The following HIVEP3 variants were observed in gnomAD, a reference collection of about 807,000 sequenced individuals.
HIVEP3 encodes the protein transcription factor HIVEP3.
HIVEP3 carries 49 observed loss-of-function variants against 152.8 expected under a neutral mutation model. The observed-to-expected ratio is 0.32, with a 90% confidence interval of 0.26 to 0.41. The LOEUF (loss-of-function observed/expected upper bound fraction) is 0.41. Ranked by LOEUF, HIVEP3 falls within the 10% of genes least tolerant of loss-of-function variation. HIVEP3 has a pLI of 1.00. For missense variants in HIVEP3, 2,790 were observed against 3,103.3 expected (o/e 0.90, Z 2.40); for synonymous variants, 1,269 against 1,289.0 (o/e 0.98, Z 0.33).
At chr1:41,516,045 C>T (rs974787465) in intron 7 of HIVEP3, among the ~76,000 whole-genome samples, 9 of 152,216 alleles carry the variant, frequency 5.9e-5, no homozygotes, top group African/African-American at 1.9e-4. Context: ...GAAGTTGAGA[C>T]CCAGTGGGGG....
In HIVEP3 at chr1:41,641,663, G is replaced by A. The variant is rs762214174; in HGVS notation, c.-720-12716C>T. 7.9e-5 allele frequency among the ~76,000 whole-genome samples: 12 copies of A among 152,294 alleles called. No homozygotes were observed. The East Asian group carries it at 9.6e-4, about 12-fold the overall frequency. The stretch of plus-strand genomic sequence containing the variant: ...CCACCTATATGTGGGCTCTGGTTTC[G>A]AGTCGGTGAACCAGAGCAGGCCCTG... On this transcript the variant is annotated intron_variant, in intron 2 of 8. Coordinates refer to ENST00000372583, the MANE Select transcript of HIVEP3 (RefSeq NM_024503.5).
intron 3 of HIVEP3, among the ~76,000 whole-genome samples, chr1:41,602,807 AG>A (rs1416542450): frequency 6.6e-6 from 1 of 151,916 alleles, no homozygotes; most frequent in Non-Finnish European, 1.5e-5. Context: ...GTATAAAGTT[AG>A]GTTGCTTATT....
intron 1 of HIVEP3, among the ~76,000 whole-genome samples, chr1:41,737,009 A>T (rs1001869244): frequency 6.6e-6 from 1 of 151,752 alleles, no homozygotes; most frequent in Non-Finnish European, 1.5e-5. Flanking sequence ...CTCCTGCCCC[A>T]CCTCCAGGCA....
chr1:42,009,290 C>T (rs949035672), intron 1 of HIVEP3, among the ~76,000 whole-genome samples: 1 of 152,074 alleles, frequency 6.6e-6, no homozygotes, highest in Non-Finnish European at 1.5e-5. Context: ...TGTCGTTTCC[C>T]CTGTTGCTGA....
intron 2 of HIVEP3, among the ~76,000 whole-genome samples, chr1:41,693,484 T>C (rs1215297490): frequency 6.6e-6 from 1 of 152,262 alleles, no homozygotes; most frequent in Admixed American, 6.5e-5. Context: ...TCATAGCCTC[T>C]GCCCATTTTT....
intron 1 of HIVEP3, among the ~76,000 whole-genome samples, chr1:41,743,024 T>C (rs906865984): frequency 1.3e-5 from 2 of 152,022 alleles, no homozygotes; most frequent in African/African-American, 4.8e-5. Flanking sequence ...AATGAGATCA[T>C]GTTGTTTTTC....
chr1:41,583,728 G>T lies in HIVEP3; in HGVS notation c.1070C>A (p.Thr357Asn). 2 of 1,605,616 alleles carry T rather than the reference G, an allele frequency of 1.2e-6. No homozygotes were observed. Among genetic ancestry groups the T allele is most frequent in the Non-Finnish European group, 1.7e-6 (2 of 1,175,604 alleles). ...GGCCAGCTTCTGCTTAATCGTGTGG[G>T]TGTCTTCAGGTTTATGGCTCAGGGG... ...EHPLSHKPED[T>N]HTIKQKLALR... The change falls in exon 4 of 9, where the codon ACC becomes AAC. Residue 357 changes from threonine to asparagine, a missense_variant. Transcript: ENST00000372583. This position sits in a 1 kb window ranked among gnomAD's most constrained non-coding sequence, Gnocchi z 6.9.
chr1:41,628,202 C>T (rs114330497), intron 3 of HIVEP3, among the ~76,000 whole-genome samples: 189 of 152,308 alleles, frequency 1.2e-3, no homozygotes, highest in African/African-American at 4.3e-3. Context: ...ATCATTGCCC[C>T]AACCCTGACA....
chr1:41,989,597 C>T (rs902986887), intron 1 of HIVEP3, among the ~76,000 whole-genome samples: 1 of 152,024 alleles, frequency 6.6e-6, no homozygotes, highest in Non-Finnish European at 1.5e-5. Context: ...AAAGGCAGCC[C>T]TAGCTGCCAT....
At chr1:41,750,067 G>T (rs1053166495) in intron 1 of HIVEP3, among the ~76,000 whole-genome samples, 3 of 152,184 alleles carry the variant, frequency 2.0e-5, no homozygotes, top group Admixed American at 6.5e-5. Flanking sequence ...GGAGCCTCCT[G>T]GTTAAGAGTC....
At position 41,997,349 on chromosome 1, in the gene HIVEP3, C is replaced by T. The variant is rs973609944; in HGVS notation, n.119+38458G>A. On this transcript the variant is annotated intron_variant and non_coding_transcript_variant, in intron 1 of 3. Transcript: ENST00000489103. ...GTTGTGGCTGCTCCACATTGGCTAA[C>T]GGGGGAGGAGCTTCACCCCCATTTT... is the stretch of plus-strand genomic sequence containing the variant. Among the ~76,000 whole-genome samples, 9 of 152,240 alleles carry T rather than the reference C, an allele frequency of 5.9e-5. No homozygotes were observed. In the South Asian group the frequency reaches 6.2e-4, roughly 11 times the overall value.
At chr1:41,755,741 A>T (rs1244451510) in intron 1 of HIVEP3, among the ~76,000 whole-genome samples, 1 of 152,232 alleles carries the variant, frequency 6.6e-6, no homozygotes, top group African/African-American at 2.4e-5. Flanking sequence ...GTCATTAGCC[A>T]TTAGGGAAAT....
intron 1 of HIVEP3, among the ~76,000 whole-genome samples, chr1:41,712,504 G>A (rs1333202214): frequency 2.6e-5 from 4 of 152,338 alleles, no homozygotes; most frequent in Admixed American, 1.3e-4. Flanking sequence ...AGGGTAAGGG[G>A]ACACTGGGCA....
chr1:41,964,894 G>A lies in HIVEP3; in HGVS notation n.120-46370C>T, dbSNP rs111595906. On this transcript the variant is annotated intron_variant and non_coding_transcript_variant, in intron 1 of 3. Coordinates refer to the HIVEP3 transcript ENST00000489103. ...GGATTCCCCCAAGAGCAGTGCACCC[G>A]TTCTGCCAAGGGGCAGCCAGAGTGC... Among the ~76,000 whole-genome samples, 757 of 152,364 alleles carry A rather than the reference G, an allele frequency of 5.0e-3. 8 individuals carry two copies. Among genetic ancestry groups the A allele is most frequent in the African/African-American group, 0.018 (733 of 41,580 alleles).
chr1:41,744,261 G>A (rs1037514333), intron 1 of HIVEP3, among the ~76,000 whole-genome samples: 6 of 152,116 alleles, frequency 3.9e-5, no homozygotes, highest in African/African-American at 7.2e-5. Context: ...GGATGGTCTC[G>A]ATCTCCTGAC....
chr1:41,577,190 T>C (rs926816588), intron 4 of HIVEP3, among the ~76,000 whole-genome samples: 1 of 152,232 alleles, frequency 6.6e-6, no homozygotes, highest in South Asian at 2.1e-4. Flanking sequence ...GGATCCATTT[T>C]AGCTTTTGAT....
chr1:41,938,712 A>C (rs1645031848), intron 1 of HIVEP3, among the ~76,000 whole-genome samples: 1 of 152,186 alleles, frequency 6.6e-6, no homozygotes, highest in Admixed American at 6.5e-5. Flanking sequence ...AACTCCACAC[A>C]ATGAAAATTA....
At chr1:41,977,684 C>T (rs1645267952) in intron 1 of HIVEP3, among the ~76,000 whole-genome samples, 2 of 152,222 alleles carry the variant, frequency 1.3e-5, no homozygotes, top group African/African-American at 2.4e-5. Flanking sequence ...CATACAAGGA[C>T]AGTGCTGTGA....
intron 5 of HIVEP3, among the ~76,000 whole-genome samples, chr1:41,540,725 A>G (rs1643509188): frequency 6.6e-6 from 1 of 152,224 alleles, no homozygotes; most frequent in Admixed American, 6.5e-5. Context: ...AGAACCAGGC[A>G]TGGAGGAAGA....
Sources: gnomAD v4.1 joint callset for allele counts (sites outside exome capture counted in the v4.1 genomes callset) on GRCh38, gnomAD v4.1.1 for gene constraint, Gnocchi (gnomAD v3.1) non-coding constraint, MANE v1.5 for transcripts, NCBI Gene and HGNC (gene_info 2026-07-23, HGNC 2026-07-21) for gene names.